The following ADAMTS3 variants were observed in gnomAD, a reference collection of about 807,000 sequenced individuals.
ADAMTS3 encodes A disintegrin and metalloproteinase with thrombospondin motifs 3.
ADAMTS3 carries 73 observed loss-of-function variants against 129.0 expected under a neutral mutation model. That is an observed-to-expected ratio of 0.57 (90% CI 0.47 to 0.69). The LOEUF is 0.69. Among genes scored for constraint, ADAMTS3 ranks in the 30% least tolerant of loss-of-function variants. The pLI is 0.00. For synonymous variants in ADAMTS3, 477 were observed against 510.8 expected (o/e 0.93, Z 0.89); for missense variants, 1,457 against 1,514.5 (o/e 0.96, Z 0.63).
rs1178789912 is a variant in ADAMTS3 at position 72,283,404 on chromosome 4, G to A, written c.3350C>T (p.Ala1117Val). 7 of 1,613,862 alleles carry A rather than the reference G, an allele frequency of 4.3e-6. No homozygotes were observed. The highest frequency in any genetic ancestry group is 1.7e-5 in the Admixed American group (1 of 60,010). ...SSVGGPNAYA[A>V]FRPNSKPDGA... Reference sequence around the variant, plus strand: ...ATCAGGTTTACTGTTTGGCCTGAAAGCAGCATATGCATTTGGACCTCCCAC... The same window carrying A: ...ATCAGGTTTACTGTTTGGCCTGAAAACAGCATATGCATTTGGACCTCCCAC... Residue 1117 changes from alanine to valine, a missense_variant, in exon 22 of 22, where the codon GCT (alanine) becomes GTT (valine). Transcript: ENST00000286657.
At chr4:72,510,383 C>G (rs1215497645) in intron 3 of ADAMTS3, among the ~76,000 whole-genome samples, 1 of 151,966 alleles carries the variant, frequency 6.6e-6, no homozygotes, top group East Asian at 1.9e-4. Context: ...CCTAAACACT[C>G]CACCAAAAAA....
At chr4:72,473,465 C>T (rs1366339184) in intron 3 of ADAMTS3, among the ~76,000 whole-genome samples, 1 of 151,896 alleles carries the variant, frequency 6.6e-6, no homozygotes, top group Non-Finnish European at 1.5e-5. Context: ...AAAACATGCT[C>T]TCTCTAGCCA....
At chr4:72,360,235 A>C (rs1183933169) in intron 4 of ADAMTS3, among the ~76,000 whole-genome samples, 1 of 152,082 alleles carries the variant, frequency 6.6e-6, no homozygotes, top group East Asian at 1.9e-4. Flanking sequence ...TTTTTCCTCG[A>C]ATTTCCTATC....
intron 3 of ADAMTS3, among the ~76,000 whole-genome samples, chr4:72,444,705 T>C (rs1398827669): frequency 4.0e-5 from 6 of 151,786 alleles, no homozygotes; most frequent in Admixed American, 3.9e-4. Context: ...TATTTGACAT[T>C]GCAAGTTATA....
At chr4:72,417,346 G>A (rs1722330917) in intron 3 of ADAMTS3, among the ~76,000 whole-genome samples, 1 of 152,110 alleles carries the variant, frequency 6.6e-6, no homozygotes, top group Non-Finnish European at 1.5e-5. Flanking sequence ...TGATAGGGAG[G>A]GCAGTGAGGA....
intron 3 of ADAMTS3, among the ~76,000 whole-genome samples, chr4:72,482,910 C>G (rs1354772366): frequency 2.0e-5 from 3 of 152,084 alleles, no homozygotes; most frequent in Admixed American, 6.6e-5. Context: ...AAACCCATGA[C>G]CATCTCAATA....
chr4:72,318,469 G>T, intron 10 of ADAMTS3, 103 bp downstream of exon 10: 1 of 1,231,368 alleles, frequency 8.1e-7, no homozygotes, highest in South Asian at 1.6e-5. Flanking sequence ...ATAACTGCTA[G>T]ATATTATTAT....
intron 3 of ADAMTS3, among the ~76,000 whole-genome samples, chr4:72,517,277 G>A (rs1170125886): frequency 1.3e-5 from 2 of 152,192 alleles, no homozygotes; most frequent in African/African-American, 4.8e-5. Context: ...TGTTCATCAA[G>A]GATATTGGTC....
chr4:72,408,381 A>G (rs1158188024), intron 4 of ADAMTS3, among the ~76,000 whole-genome samples: 1 of 152,022 alleles, frequency 6.6e-6, no homozygotes, highest in Non-Finnish European at 1.5e-5. Flanking sequence ...ACACACACAT[A>G]CACACACTCA....
intron 3 of ADAMTS3, among the ~76,000 whole-genome samples, chr4:72,420,202 TGCCTTCAAGACTCCATCACC>T (rs1305643690): frequency 5.9e-5 from 9 of 152,142 alleles, no homozygotes; most frequent in Admixed American, 5.9e-4. Flanking sequence ...TCAGCATCAC[TGCCTTCAAGACTCCATCACC>T]GCCTTCAAGA....
intron 4 of ADAMTS3, among the ~76,000 whole-genome samples, chr4:72,340,500 G>A (rs1720109314): frequency 6.6e-6 from 1 of 151,994 alleles, no homozygotes; most frequent in African/African-American, 2.4e-5. Context: ...AGTCATTTCA[G>A]TTGCTATATA....
Position 72,414,961 on chromosome 4 carries a change from A to G in ADAMTS3, c.515T>C (p.Ile172Thr), listed in dbSNP as rs1319783103. 6.5e-7 allele frequency: 1 copy of G among 1,535,236 alleles called. No homozygotes were observed. Among genetic ancestry groups the G allele is most frequent in the Non-Finnish European group, 8.7e-7 (1 of 1,146,020 alleles). ...GAAATACTCTTCATTATCACTTTTT[A>G]TCATTCCAGCCTAGAGAAAGCACAA... ...ISNCDGLAGM[I>T]KSDNEEYFIE... Residue 172 changes from isoleucine (I) to threonine (T), a missense_variant, in exon 4 of 22, where the codon ATA (isoleucine) becomes ACA (threonine). Physicochemically the swap from Ile to Thr is moderately conservative, Grantham distance 89 (BLOSUM62 -1). Coordinates refer to ENST00000286657, the MANE Select transcript of ADAMTS3 (RefSeq NM_014243.3).
chr4:72,457,625 T>A (rs1428978917), intron 3 of ADAMTS3, among the ~76,000 whole-genome samples: 3 of 151,676 alleles, frequency 2.0e-5, no homozygotes, highest in Non-Finnish European at 4.4e-5. Flanking sequence ...TTGCCTGCTC[T>A]AACCCTAGCC....
chr4:72,558,540 T>G (rs555100869), intron 2 of ADAMTS3, among the ~76,000 whole-genome samples: 1 of 151,862 alleles, frequency 6.6e-6, no homozygotes, highest in South Asian at 2.1e-4. Flanking sequence ...CAATTCCATC[T>G]GCAAACTTAA....
intron 3 of ADAMTS3, among the ~76,000 whole-genome samples, chr4:72,513,406 A>G (rs1720367810): frequency 1.3e-5 from 2 of 152,082 alleles, no homozygotes; most frequent in East Asian, 3.9e-4. Flanking sequence ...CTTCCTCTTT[A>G]TACTGTCTAT....
At chr4:72,290,318 C>A (rs547126595) in intron 20 of ADAMTS3, among the ~76,000 whole-genome samples, 1 of 152,248 alleles carries the variant, frequency 6.6e-6, no homozygotes, top group South Asian at 2.1e-4. Context: ...ACAGGAGGAA[C>A]TGCCAGGAAA....
chr4:72,315,771 C>T, intron 11 of ADAMTS3, 87 bp downstream of exon 11: 3 of 815,178 alleles, frequency 3.7e-6, no homozygotes, highest in Non-Finnish European at 3.9e-6. Context: ...AATGACAGTG[C>T]AGCTGTGTTT....
chr4:72,466,272 A>G (rs1431717065), intron 3 of ADAMTS3, among the ~76,000 whole-genome samples: 1 of 152,012 alleles, frequency 6.6e-6, no homozygotes, highest in Non-Finnish European at 1.5e-5. Context: ...AGGATGTAGA[A>G]GAAGAGGCTA....
Position 72,438,132 on chromosome 4 carries a change from C to T in ADAMTS3, c.505-23161G>A, listed in dbSNP as rs752273061. Reference sequence around the variant, plus strand: ...AAATTAGGGCACAGGGAAAGCAACCCGACTATATCCAGAGGTAATAGTAGG... The same window carrying T: ...AAATTAGGGCACAGGGAAAGCAACCTGACTATATCCAGAGGTAATAGTAGG... On this transcript the variant is annotated intron_variant, in intron 3 of 21. Coordinates refer to ENST00000286657, the MANE Select transcript of ADAMTS3 (RefSeq NM_014243.3). Among the ~76,000 whole-genome samples the T allele has an allele frequency of 6.3e-4, 96 of 151,532 alleles. 2 individuals carry two copies. The highest frequency in any genetic ancestry group is 2.7e-4 in the Non-Finnish European group (18 of 67,760).
Sources: gnomAD v4.1 joint callset for allele counts (sites outside exome capture counted in the v4.1 genomes callset) on GRCh38, gnomAD v4.1.1 for gene constraint, MANE v1.5 for transcripts, NCBI Gene and HGNC (gene_info 2026-07-23, HGNC 2026-07-21) for gene names.